The following THSD7B variants were observed in gnomAD, a reference collection of about 807,000 sequenced individuals.
The protein encoded by THSD7B is thrombospondin type 1 domain containing 7B.
A neutral mutation model predicts 213.6 loss-of-function variants in THSD7B; 138 were observed. The ratio of observed to expected loss-of-function variants is 0.65; its 90% confidence interval spans 0.56 to 0.74. THSD7B has a LOEUF of 0.74. Ranked by LOEUF, THSD7B falls within the 30% of genes least tolerant of loss-of-function variation. The pLI is 0.00. For missense variants in THSD7B, 1,931 were observed against 1,991.5 expected, an observed-to-expected ratio of 0.97 and a Z score of 0.58; for synonymous variants, 742 against 687.0, an observed-to-expected ratio of 1.08 and a Z score of -1.25.
intron 12 of THSD7B, among the ~76,000 whole-genome samples, chr2:137,322,999 G>A (rs578187077): frequency 2.3e-4 from 35 of 152,268 alleles, no homozygotes; most frequent in African/African-American, 7.9e-4. Flanking sequence ...ACAGCTTCAT[G>A]CCATGGCTTT....
chr2:137,645,648 C>T (rs1331580268), intron 21 of THSD7B, among the ~76,000 whole-genome samples: 1 of 150,034 alleles, frequency 6.7e-6, no homozygotes, highest in Non-Finnish European at 1.5e-5. Flanking sequence ...CCTGTTATTT[C>T]TTCACACTCT....
At chr2:137,349,383 A>T (rs1684959266) in intron 12 of THSD7B, among the ~76,000 whole-genome samples, 3 of 151,850 alleles carry the variant, frequency 2.0e-5, no homozygotes, top group African/African-American at 7.2e-5. Flanking sequence ...GATTAAAGCC[A>T]GCTGGGAAAC....
chr2:136,797,245 A>G (rs1042140512), intron 1 of THSD7B, among the ~76,000 whole-genome samples: 3 of 152,082 alleles, frequency 2.0e-5, no homozygotes, highest in Non-Finnish European at 4.4e-5. Context: ...GTTGGTTTAG[A>G]TAACCATCAT....
intron 15 of THSD7B, among the ~76,000 whole-genome samples, chr2:137,497,294 G>C (rs144702343): frequency 2.6e-5 from 4 of 151,412 alleles, no homozygotes; most frequent in African/African-American, 9.7e-5. Context: ...GATTAACATT[G>C]ATGGTAAGAT....
At chr2:137,536,615 A>T (rs1323532008) in intron 15 of THSD7B, among the ~76,000 whole-genome samples, 2 of 151,728 alleles carry the variant, frequency 1.3e-5, no homozygotes, top group Non-Finnish European at 2.9e-5. Flanking sequence ...TAAAGGACTA[A>T]TCTTTCCCAG....
intron 16 of THSD7B, among the ~76,000 whole-genome samples, chr2:137,568,396 CTT>C (rs1332310804): frequency 2.0e-5 from 3 of 152,082 alleles, no homozygotes; most frequent in Admixed American, 6.5e-5. Context: ...ATTTTGAAGT[CTT>C]TACTCTCGGG....
At chr2:137,635,167 T>C (rs1161472417) in intron 20 of THSD7B, among the ~76,000 whole-genome samples, 1 of 152,202 alleles carries the variant, frequency 6.6e-6, no homozygotes, top group Non-Finnish European at 1.5e-5. Context: ...CTTTTTTCCA[T>C]TGGAAACATA....
chr2:137,417,671 G>A (rs1056237891), intron 14 of THSD7B, among the ~76,000 whole-genome samples: 3 of 151,902 alleles, frequency 2.0e-5, no homozygotes, highest in Admixed American at 6.6e-5. Context: ...GGGCTCAAGC[G>A]ATCCTCCCAC....
intron 2 of THSD7B, among the ~76,000 whole-genome samples, chr2:136,964,440 A>T (rs1685280039): frequency 6.6e-6 from 1 of 152,090 alleles, no homozygotes; most frequent in African/African-American, 2.4e-5. Flanking sequence ...AATAAATAAA[A>T]GGAAAGAGCA....
chr2:137,085,819 A>G (rs1396861362), intron 3 of THSD7B, among the ~76,000 whole-genome samples: 1 of 152,198 alleles, frequency 6.6e-6, no homozygotes, highest in African/African-American at 2.4e-5. Context: ...CATAAAAACC[A>G]CAAACTATGA....
At chr2:137,277,329 A>T (rs566071038) in intron 12 of THSD7B, among the ~76,000 whole-genome samples, 1 of 152,202 alleles carries the variant, frequency 6.6e-6, no homozygotes, top group Admixed American at 6.6e-5. Context: ...GAAGATTTCT[A>T]GCTGGATGCC....
intron 15 of THSD7B, among the ~76,000 whole-genome samples, chr2:137,502,297 AATAG>A (rs894374643): frequency 2.4e-4 from 36 of 151,432 alleles, no homozygotes; most frequent in African/African-American, 6.8e-4. Context: ...CAGATAGATA[AATAG>A]ATAGATAAAC....
intron 5 of THSD7B, among the ~76,000 whole-genome samples, chr2:137,159,359 T>G (rs923203113): frequency 1.3e-5 from 2 of 151,964 alleles, no homozygotes; most frequent in East Asian, 3.9e-4. Flanking sequence ...ATCGATTAAG[T>G]TGATGCTACA....
At chr2:136,795,225 C>T (rs996386599) in intron 1 of THSD7B, among the ~76,000 whole-genome samples, 2 of 151,896 alleles carry the variant, frequency 1.3e-5, no homozygotes, top group Non-Finnish European at 2.9e-5. Context: ...GGCTGTATTT[C>T]TTTTGGAGTG....
chr2:136,781,324 G>C (rs1681737797), intron 1 of THSD7B, among the ~76,000 whole-genome samples: 1 of 148,588 alleles, frequency 6.7e-6, no homozygotes, highest in Non-Finnish European at 1.5e-5. Flanking sequence ...GAATGCAATG[G>C]CCTGATCTCG....
intron 16 of THSD7B, among the ~76,000 whole-genome samples, chr2:137,568,210 G>T (rs1208598367): frequency 2.0e-5 from 3 of 152,062 alleles, no homozygotes; most frequent in Admixed American, 6.6e-5. Context: ...GGGGAGGCGG[G>T]AGGAGAGGAG....
chr2:136,779,829 C>T (rs1437890640), intron 1 of THSD7B, among the ~76,000 whole-genome samples: 1 of 152,174 alleles, frequency 6.6e-6, no homozygotes, highest in East Asian at 1.9e-4. Flanking sequence ...AAAATGTAAA[C>T]AAACTGGTTA....
intron 15 of THSD7B, among the ~76,000 whole-genome samples, chr2:137,503,162 AT>A (rs957491998): frequency 2.6e-5 from 4 of 151,576 alleles, no homozygotes; most frequent in East Asian, 1.9e-4. Context: ...TCTGGGACAT[AT>A]TTTTTTTTCT....
chr2:137,144,505 G>A (rs1489481441), intron 5 of THSD7B, among the ~76,000 whole-genome samples: 1 of 152,002 alleles, frequency 6.6e-6, no homozygotes, highest in African/African-American at 2.4e-5. Context: ...TGCAGACTCA[G>A]TATCATAGGG....
Sources: allele counts gnomAD v4.1 joint callset (sites outside exome capture counted in the v4.1 genomes callset), GRCh38; gene constraint gnomAD v4.1.1; transcripts MANE v1.5; gene names NCBI Gene and HGNC (gene_info 2026-07-23, HGNC 2026-07-21).